MEIG1: variants seen among roughly 807,000 people sequenced by gnomAD.
MEIG1 encodes the protein meiosis expressed gene 1 protein homolog.
Under a neutral mutation model 11.3 loss-of-function variants are expected in MEIG1, and 12 were observed. The ratio of observed to expected loss-of-function variants is 1.07; its 90% confidence interval spans 0.68 to 1.73. The LOEUF (loss-of-function observed/expected upper bound fraction) is 1.73, where lower values mean the gene tolerates loss of function less well. Among genes scored for constraint, MEIG1 ranks in the 40% most tolerant of loss-of-function variants. The pLI, the probability that MEIG1 is intolerant of heterozygous loss-of-function variation, is 0.00. For missense variants in MEIG1, 119 were observed against 104.9 expected (o/e 1.13, Z -0.59); for synonymous variants, 41 against 33.2 (o/e 1.24, Z -0.81).
upstream of MEIG1, among the ~76,000 whole-genome samples, chr10:14,957,363 C>T (rs908670024): frequency 7.2e-5 from 11 of 152,178 alleles, no homozygotes; most frequent in Admixed American, 3.3e-4. Flanking sequence ...TGCTAGCCAC[C>T]GTGCCATGCT....
intron 1 of MEIG1, among the ~76,000 whole-genome samples, chr10:14,960,100 G>A (rs531132565): frequency 4.8e-4 from 73 of 151,442 alleles, no homozygotes; most frequent in African/African-American, 1.7e-3. Context: ...GCAGACGGGA[G>A]TTCCAGGACC....
intron 1 of MEIG1, among the ~76,000 whole-genome samples, chr10:14,984,590 A>G (rs561963091): frequency 2.2e-4 from 34 of 152,044 alleles, no homozygotes; most frequent in African/African-American, 7.7e-4. Flanking sequence ...ATTATTCATA[A>G]TATCCTAGAG....
At chr10:14,961,037 T>A (rs1843006502) in intron 1 of MEIG1, among the ~76,000 whole-genome samples, 1 of 151,888 alleles carries the variant, frequency 6.6e-6, no homozygotes, top group Non-Finnish European at 1.5e-5. Flanking sequence ...CTCAAAAAAA[T>A]AATAAATAAA....
exon 3 of MEIG1, chr10:14,987,931 A>T (rs573257237): frequency 6.5e-6 from 1 of 153,374 alleles, no homozygotes; most frequent in Non-Finnish European, 1.5e-5. Flanking sequence ...TGAAAACGAA[A>T]TCGAACCTTA....
intron 2 of MEIG1, among the ~76,000 whole-genome samples, chr10:14,967,351 G>A (rs1449425384): frequency 6.6e-6 from 1 of 152,044 alleles, no homozygotes; most frequent in Non-Finnish European, 1.5e-5. Context: ...AAAAGTGTTA[G>A]AACAACTCGT....
intron 1 of MEIG1, among the ~76,000 whole-genome samples, chr10:14,961,638 A>ATTTTTTTTTTTTTTTTTTTTTTT (rs34536061): frequency 3.9e-5 from 3 of 76,616 alleles, no homozygotes; most frequent in African/African-American, 9.1e-5. Context: ...CATCCGGCTA[A>ATTTTTTTTTTTTTTTTTTTTTTT]TTTTTTTTTT....
chr10:14,970,915 G>C (rs1231938692), intron 2 of MEIG1, among the ~76,000 whole-genome samples: 1 of 152,094 alleles, frequency 6.6e-6, no homozygotes, highest in Non-Finnish European at 1.5e-5. Flanking sequence ...TAGATAATGA[G>C]TTTTTGGTTA....
intron 1 of MEIG1, among the ~76,000 whole-genome samples, chr10:14,963,907 G>C (rs944174165): frequency 6.6e-6 from 1 of 152,080 alleles, no homozygotes; most frequent in East Asian, 1.9e-4. Flanking sequence ...GAACATCCTG[G>C]CTAACACAGT....
chr10:14,986,136 T>C (rs1843315978), intron 1 of MEIG1, among the ~76,000 whole-genome samples: 1 of 152,202 alleles, frequency 6.6e-6, no homozygotes, highest in South Asian at 2.1e-4. Context: ...ATATAATTCT[T>C]ATTTCATCTT....
At chr10:14,961,896 C>T (rs1209246582) in intron 1 of MEIG1, among the ~76,000 whole-genome samples, 1 of 151,966 alleles carries the variant, frequency 6.6e-6, no homozygotes, top group Non-Finnish European at 1.5e-5. Flanking sequence ...TGGCCTCAAC[C>T]TTGGGGGATC....
chr10:14,980,127 C>A (rs1015272473), intron 1 of MEIG1, among the ~76,000 whole-genome samples: 10 of 151,822 alleles, frequency 6.6e-5, no homozygotes, highest in South Asian at 4.2e-4. Context: ...TGATATTATT[C>A]GTAATATCCT....
upstream of MEIG1, among the ~76,000 whole-genome samples, chr10:14,959,200 C>T (rs1404523157): frequency 6.6e-6 from 1 of 152,170 alleles, no homozygotes; most frequent in South Asian, 2.1e-4. Flanking sequence ...CCCTTTTTCG[C>T]CCTCCATCTC....
At chr10:14,961,201 C>T (rs969602278) in intron 1 of MEIG1, among the ~76,000 whole-genome samples, 1 of 152,140 alleles carries the variant, frequency 6.6e-6, no homozygotes, top group Non-Finnish European at 1.5e-5. Flanking sequence ...TAACACAAAG[C>T]CTATTTTATA....
At chr10:14,966,126 C>T (rs916578299) in intron 1 of MEIG1, among the ~76,000 whole-genome samples, 1 of 137,010 alleles carries the variant, frequency 7.3e-6, no homozygotes, top group African/African-American at 2.7e-5. Flanking sequence ...TGCGGTGGCA[C>T]AATCTCAGCT....
intron 1 of MEIG1, among the ~76,000 whole-genome samples, chr10:14,978,706 C>T (rs867862276): frequency 3.3e-5 from 5 of 151,806 alleles, no homozygotes; most frequent in Admixed American, 6.6e-5. Flanking sequence ...TTATATTAGC[C>T]GTGATATCCT....
rs1316269871 is a variant in MEIG1, at chr10:14,972,519, C to T, written c.145C>T (p.Arg49Cys). The T allele has an allele frequency of 9.3e-6, 15 of 1,613,958 alleles. No individual in the cohort carries two copies. The highest frequency in any genetic ancestry group is 8.9e-5 in the East Asian group (4 of 44,868). The change falls in exon 3 of 3, where the codon CGT becomes TGT. Residue 49 changes from arginine to cysteine, a missense_variant. Coordinates refer to ENST00000407572, the MANE Select transcript of MEIG1 (RefSeq NM_001080836.3). ...RQVKQVSMVD[R>C]WPETGYVKKL... ...TCTGGTTCTTGATGTGCAGGTAGAT[C>T]GTTGGCCGGAGACAGGATATGTGAA... is the stretch of plus-strand genomic sequence containing the variant.
At chr10:14,987,502 C>T (rs1843331388) in intron 2 of MEIG1, 3 of 706,022 alleles carry the variant, frequency 4.2e-6, no homozygotes, top group African/African-American at 1.8e-5. Flanking sequence ...AAAAACCAGC[C>T]CTTAATGTTG....
intron 2 of MEIG1, among the ~76,000 whole-genome samples, chr10:14,971,536 C>A (rs533578101): frequency 1.1e-5 from 1 of 90,990 alleles, no homozygotes; most frequent in African/African-American, 4.1e-5. Flanking sequence ...GAGTGAGACC[C>A]TGTTTCAAAA....
At chr10:14,964,338 AGTCT>A (rs1843051933) in intron 1 of MEIG1, among the ~76,000 whole-genome samples, 1 of 151,926 alleles carries the variant, frequency 6.6e-6, no homozygotes, top group Non-Finnish European at 1.5e-5. Flanking sequence ...AAATTCAGCA[AGTCT>A]GTCTATTTTA....
Sources: gnomAD v4.1 joint callset for allele counts (sites outside exome capture counted in the v4.1 genomes callset) on GRCh38, gnomAD v4.1.1 for gene constraint, MANE v1.5 for transcripts, NCBI Gene and HGNC (gene_info 2026-07-23, HGNC 2026-07-21) for gene names.